Variants in TTBK2 observed in about 807,000 individuals in gnomAD.
The protein encoded by TTBK2 is tau tubulin kinase 2.
A neutral mutation model predicts 110.8 loss-of-function variants in TTBK2; 28 were observed. The ratio of observed to expected loss-of-function variants is 0.25; its 90% confidence interval spans 0.19 to 0.35. The LOEUF is 0.35. Ranked by LOEUF, TTBK2 falls within the 10% of genes least tolerant of loss-of-function variation. The pLI is 1.00. For synonymous variants in TTBK2, 532 were observed against 527.3 expected, an observed-to-expected ratio of 1.01 and a Z score of -0.12; for missense variants, 1,369 against 1,500.3, an observed-to-expected ratio of 0.91 and a Z score of 1.45.
At chr15:42,912,160 A>C (rs768755755) in intron 1 of TTBK2, among the ~76,000 whole-genome samples, 2 of 152,214 alleles carry the variant, frequency 1.3e-5, no homozygotes, top group Non-Finnish European at 2.9e-5. Context: ...AACTGAGTTC[A>C]AACTGCAAAA....
intron 3 of TTBK2, among the ~76,000 whole-genome samples, chr15:42,855,557 C>T (rs1893897611): frequency 6.6e-6 from 1 of 152,208 alleles, no homozygotes; most frequent in South Asian, 2.1e-4. Context: ...GAAATTTAAG[C>T]TTCAAAAGGA....
At chr15:42,759,451 C>A (rs1482077123) in intron 13 of TTBK2, among the ~76,000 whole-genome samples, 1 of 152,190 alleles carries the variant, frequency 6.6e-6, no homozygotes, top group Admixed American at 6.5e-5. Flanking sequence ...CCAGCCCAGC[C>A]CAGCAGCCAT....
In TTBK2 at chr15:42,758,599, G is replaced by A. The variant is rs551631586; in HGVS notation, c.1999-5352C>T. On this transcript the variant is annotated intron_variant, in intron 13 of 14. Transcript: ENST00000267890. ...GAACCCATGAGGCAGAGGTTGTGGC[G>A]AGCCGAGATCGCACCATTGCACTCC... Among the ~76,000 whole-genome samples the A allele has an allele frequency of 4.7e-4, 69 of 148,376 alleles. No individual in the cohort carries two copies. In the South Asian group the frequency reaches 0.014, roughly 31 times the overall value.
chr15:42,881,193 G>A (rs1433868910), intron 1 of TTBK2, among the ~76,000 whole-genome samples: 2 of 144,572 alleles, frequency 1.4e-5, no homozygotes, highest in Admixed American at 7.3e-5. Context: ...TGAGGCAGGA[G>A]AATGGCGTGA....
chr15:42,800,240 C>T, intron 9 of TTBK2: 2 of 420,462 alleles, frequency 4.8e-6, no homozygotes, highest in Middle Eastern at 8.1e-4. Context: ...AAAAATTAAC[C>T]AACAAAAATA....
At chr15:42,845,327 C>A (rs552624124) in intron 3 of TTBK2, among the ~76,000 whole-genome samples, 46 of 152,138 alleles carry the variant, frequency 3.0e-4, no homozygotes, top group African/African-American at 1.0e-3. Flanking sequence ...GTTCCAAGAC[C>A]TTCCTTGGAT....
rs561386887 is a variant in TTBK2, at chr15:42,819,888, T to C, written c.538-2791A>G. 2.0e-4 allele frequency among the ~76,000 whole-genome samples: 31 copies of C among 152,358 alleles called. 1 individual carries two copies. In the South Asian group the frequency reaches 6.4e-3, roughly 32 times the overall value. On this transcript the variant is annotated intron_variant, in intron 6 of 14. Coordinates refer to ENST00000267890, the MANE Select transcript of TTBK2 (RefSeq NM_173500.4). ...TTTTGTGTTGTGTAATTTTGCCCAA[T>C]TATTTTCATTCCAGTAACTGTCAGA... is the stretch of plus-strand genomic sequence containing the variant.
intron 9 of TTBK2, chr15:42,800,184 A>T: frequency 2.5e-6 from 1 of 399,834 alleles, no homozygotes; most frequent in Non-Finnish European, 4.8e-6. Context: ...TTTTCTGTTA[A>T]TTCTAAAACT....
At chr15:42,833,265 A>G (rs1410461551) in intron 4 of TTBK2, among the ~76,000 whole-genome samples, 1 of 151,408 alleles carries the variant, frequency 6.6e-6, no homozygotes, top group Non-Finnish European at 1.5e-5. Flanking sequence ...AAAAAAAAAA[A>G]AAAAGGAAGA....
chr15:42,784,254 G>T (rs1180671858), intron 10 of TTBK2, among the ~76,000 whole-genome samples: 2 of 151,980 alleles, frequency 1.3e-5, no homozygotes, highest in Non-Finnish European at 2.9e-5. Flanking sequence ...TATTTTCATA[G>T]AAGTCTCTGT....
intron 5 of TTBK2, 68 bp downstream of exon 5, chr15:42,829,870 T>C: frequency 1.9e-6 from 3 of 1,581,310 alleles, no homozygotes; most frequent in Non-Finnish European, 2.6e-6. Context: ...ATTTGTAATT[T>C]ATTGTGTCCC....
chr15:42,843,886 G>T (rs993080782), intron 3 of TTBK2, among the ~76,000 whole-genome samples: 1 of 151,816 alleles, frequency 6.6e-6, no homozygotes, highest in East Asian at 1.9e-4. Flanking sequence ...CCACCCAGGC[G>T]TCCCCCACCC....
Position 42,804,682 on chromosome 15 carries a change from G to A in TTBK2, c.822+5932C>T, listed in dbSNP as rs542154200. 3.3e-5 allele frequency among the ~76,000 whole-genome samples: 5 copies of A among 152,262 alleles called. No homozygotes were observed. In the South Asian group the frequency reaches 1.0e-3, roughly 32 times the overall value. ...GAAAGTGCCTTAAAATGTCCATAAA[G>A]TACAGAATACTACCATTTCTCAATA... On this transcript the variant is annotated intron_variant, in intron 9 of 14. Coordinates refer to ENST00000267890, the MANE Select transcript of TTBK2 (RefSeq NM_173500.4).
chr15:42,819,007 G>A (rs1274733852), intron 6 of TTBK2, among the ~76,000 whole-genome samples: 1 of 150,686 alleles, frequency 6.6e-6, no homozygotes, highest in Non-Finnish European at 1.5e-5. Context: ...GTACCCTGAC[G>A]ATTCGTGGGT....
rs758762405 is a variant in TTBK2 at position 42,746,201 on chromosome 15, C to CCA, written c.3328_3329insTG (p.Arg1110LeufsTer108). ...TCCATTTTGAAGAATTTGGGCCAGGCGGGAGAAAAGGTCTGAGTCGGAGTT... is the reference window on the plus strand; with the variant it reads ...TCCATTTTGAAGAATTTGGGCCAGGCCAGGGAGAAAAGGTCTGAGTCGGAGTT... On this transcript the variant is annotated frameshift_variant, in exon 15 of 15. Transcript: ENST00000267890. LOFTEE classifies it high-confidence loss of function. The CCA allele has an allele frequency of 1.2e-6, 2 of 1,613,968 alleles. No individual in the cohort carries two copies. Among genetic ancestry groups the CCA allele is most frequent in the Non-Finnish European group, 1.7e-6 (2 of 1,180,016 alleles).
chr15:42,919,012 G>A (rs1027722831), intron 1 of TTBK2, among the ~76,000 whole-genome samples: 15 of 152,152 alleles, frequency 9.9e-5, no homozygotes, highest in Admixed American at 3.3e-4. Context: ...GAAGAGGGAA[G>A]AAAGCATTTC....
chr15:42,788,195 A>T (rs188606689), intron 10 of TTBK2, among the ~76,000 whole-genome samples: 7 of 152,310 alleles, frequency 4.6e-5, no homozygotes, highest in Non-Finnish European at 2.9e-5. Context: ...AATTTCCAGT[A>T]AAAGGGCCTT....
intron 10 of TTBK2, among the ~76,000 whole-genome samples, chr15:42,792,634 C>G (rs1890743745): frequency 6.6e-6 from 1 of 152,062 alleles, no homozygotes; most frequent in Non-Finnish European, 1.5e-5. Flanking sequence ...TTAGATCAAC[C>G]TTACATCCCA....
At chr15:42,776,964 A>G (rs770183004) in intron 12 of TTBK2, 67 bp downstream of exon 12, 5 of 1,508,346 alleles carry the variant, frequency 3.3e-6, no homozygotes, top group South Asian at 1.1e-5. Flanking sequence ...CAATAATAAT[A>G]ACAACAATGA....
Sources: gnomAD v4.1 joint callset for allele counts (sites outside exome capture counted in the v4.1 genomes callset) on GRCh38, gnomAD v4.1.1 for gene constraint, MANE v1.5 for transcripts, NCBI Gene and HGNC (gene_info 2026-07-23, HGNC 2026-07-21) for gene names.